Variants in DPH6 observed in about 807,000 individuals in gnomAD.
The protein encoded by DPH6 is diphthine--ammonia ligase.
In DPH6, 33 loss-of-function variants were observed where a neutral mutation model predicts 38.2. The observed-to-expected ratio is 0.86, with a 90% CI of 0.65 to 1.15. The LOEUF is 1.15. DPH6 is among the 50% of genes most tolerant of loss of function. The pLI, the probability that DPH6 is intolerant of heterozygous loss-of-function variation, is 0.00. For missense variants in DPH6, 325 were observed against 320.0 expected, an observed-to-expected ratio of 1.02 and a Z score of -0.12; for synonymous variants, 108 against 103.0, an observed-to-expected ratio of 1.05 and a Z score of -0.30.
chr15:35,511,705 TA>T (rs556353535), intron 3 of DPH6, among the ~76,000 whole-genome samples: 6 of 147,912 alleles, frequency 4.1e-5, no homozygotes, highest in Admixed American at 6.7e-5. Context: ...GATTATCATT[TA>T]AAAAAAAAAG....
At chr15:35,465,176 G>A (rs1281911977) in intron 3 of DPH6, among the ~76,000 whole-genome samples, 1 of 152,086 alleles carries the variant, frequency 6.6e-6, no homozygotes, top group Non-Finnish European at 1.5e-5. Context: ...TGCATTTATC[G>A]GGGATATAAT....
At chr15:35,426,448 T>C (rs2053571604) in intron 5 of DPH6, among the ~76,000 whole-genome samples, 3 of 151,868 alleles carry the variant, frequency 2.0e-5, no homozygotes, top group African/African-American at 7.2e-5. Context: ...ATTTTAATTA[T>C]GTCCATTATT....
intron 3 of DPH6, among the ~76,000 whole-genome samples, chr15:35,249,070 G>T (rs1002749743): frequency 1.3e-5 from 2 of 152,122 alleles, no homozygotes; most frequent in Non-Finnish European, 2.9e-5. Context: ...CCAGACCTTC[G>T]GAATGTTTTA....
exon 4 of DPH6, chr15:35,219,277 C>T (rs993077109): frequency 6.6e-6 from 1 of 152,124 alleles, no homozygotes. Context: ...GGCAAAGGAA[C>T]AAGTTTATCA....
intron 3 of DPH6, among the ~76,000 whole-genome samples, chr15:35,512,499 C>T (rs1000462409): frequency 1.3e-5 from 2 of 152,080 alleles, no homozygotes; most frequent in African/African-American, 2.4e-5. Flanking sequence ...CACTGGTCAT[C>T]GATCTACTTT....
chr15:35,520,677 C>T (rs1316129820), intron 3 of DPH6: 1 of 984,826 alleles, frequency 1.0e-6, no homozygotes, highest in Non-Finnish European at 1.2e-6. Flanking sequence ...AAAATAATAT[C>T]CTGAATTGCT....
intron 3 of DPH6, among the ~76,000 whole-genome samples, chr15:35,505,714 G>C (rs2054685565): frequency 1.3e-5 from 2 of 151,998 alleles, no homozygotes; most frequent in African/African-American, 4.8e-5. Context: ...TCAGTCACCA[G>C]AACACAAAAG....
chr15:35,161,695 GCTCTCTCT>G, the DPH6 span, among the ~76,000 whole-genome samples: 1 of 150,132 alleles, frequency 6.7e-6, no homozygotes, highest in Non-Finnish European at 1.5e-5. Flanking sequence ...TAGTGTGCTC[GCTCTCTCT>G]CTCTCTCTCT....
At chr15:35,172,176 C>A in the DPH6 span, among the ~76,000 whole-genome samples, 1,487 of 152,188 alleles carry the variant, frequency 9.8e-3, 12 homozygotes, top group South Asian at 0.025. Flanking sequence ...TAATATTTTA[C>A]AATATTTTTA....
intron 3 of DPH6, among the ~76,000 whole-genome samples, chr15:35,250,180 A>G (rs1391717838): frequency 6.6e-6 from 1 of 151,906 alleles, no homozygotes; most frequent in Admixed American, 6.6e-5. Flanking sequence ...TCTGTCTCAA[A>G]AAAACCAAAA....
At chr15:35,528,841 C>T (rs1392217547) in intron 3 of DPH6, among the ~76,000 whole-genome samples, 2 of 152,128 alleles carry the variant, frequency 1.3e-5, no homozygotes, top group Admixed American at 1.3e-4. Flanking sequence ...AAATAGTTGT[C>T]ACTCATTAAA....
At chr15:35,455,524 G>C (rs2053985351) in intron 3 of DPH6, among the ~76,000 whole-genome samples, 1 of 152,130 alleles carries the variant, frequency 6.6e-6, no homozygotes. Context: ...TACAAAGCTA[G>C]AATGGATTAA....
the DPH6 span, among the ~76,000 whole-genome samples, chr15:35,203,512 G>A: frequency 1.3e-5 from 2 of 151,694 alleles, no homozygotes; most frequent in Non-Finnish European, 3.0e-5. Context: ...CTAGTCATAT[G>A]AATGTACCGT....
intron 3 of DPH6, among the ~76,000 whole-genome samples, chr15:35,264,434 A>G (rs1020414357): frequency 2.0e-5 from 3 of 152,174 alleles, no homozygotes; most frequent in South Asian, 2.1e-4. Context: ...TATCTCTTCT[A>G]TATTATCCCA....
chr15:35,305,412 C>T (rs144598266), intron 3 of DPH6, among the ~76,000 whole-genome samples: 1 of 151,846 alleles, frequency 6.6e-6, no homozygotes, highest in African/African-American at 2.4e-5. Context: ...TAACATTTTC[C>T]AAATCTCGTA....
chr15:35,173,290 T>C, the DPH6 span, among the ~76,000 whole-genome samples: 1 of 152,248 alleles, frequency 6.6e-6, no homozygotes, highest in Non-Finnish European at 1.5e-5. Context: ...GTCTTACCTT[T>C]GTCTCTTTTG....
At chr15:35,446,533 T>C (rs567057661) in intron 5 of DPH6, among the ~76,000 whole-genome samples, 5 of 152,330 alleles carry the variant, frequency 3.3e-5, no homozygotes, top group Non-Finnish European at 7.3e-5. Flanking sequence ...TTCCTTATAA[T>C]TGTCTTAGTA....
In DPH6 at chr15:35,400,409, G is replaced by A. The variant is rs2053201347; in HGVS notation, c.567+10426C>T. Among the ~76,000 whole-genome samples the A allele has an allele frequency of 1.3e-5, 2 of 152,016 alleles. 1 individual carries two copies. The highest frequency in any genetic ancestry group is 4.1e-4 in the South Asian group (2 of 4,822). ...CATATATGTAATGGAGGGAAAGGGA[G>A]TAAACACAGTGAAATCTGCATATTC... On this transcript the variant is annotated intron_variant, in intron 6 of 8. Coordinates refer to ENST00000256538, the MANE Select transcript of DPH6 (RefSeq NM_080650.4).
chr15:35,353,152 T>C (rs1457454598), intron 3 of DPH6, among the ~76,000 whole-genome samples: 1 of 150,654 alleles, frequency 6.6e-6, no homozygotes, highest in Non-Finnish European at 1.5e-5. Flanking sequence ...TAAATTTGTT[T>C]GAGTTCACTG....
Sources: gnomAD v4.1 joint callset for allele counts (sites outside exome capture counted in the v4.1 genomes callset) on GRCh38, gnomAD v4.1.1 for gene constraint, MANE v1.5 for transcripts, NCBI Gene and HGNC (gene_info 2026-07-23, HGNC 2026-07-21) for gene names.